The following ANKRD13C variants were observed in gnomAD, a reference collection of about 807,000 sequenced individuals.
The protein encoded by ANKRD13C is ankyrin repeat domain 13C.
Under a neutral mutation model 65.5 loss-of-function variants are expected in ANKRD13C, and 16 were observed. The observed-to-expected ratio is 0.24, with a 90% CI of 0.17 to 0.37. The LOEUF is 0.37. Among genes scored for constraint, ANKRD13C ranks in the 10% least tolerant of loss-of-function variants. ANKRD13C has a pLI of 1.00. For missense variants in ANKRD13C, 503 were observed against 655.9 expected, an observed-to-expected ratio of 0.77 and a Z score of 2.55; for synonymous variants, 235 against 238.7, an observed-to-expected ratio of 0.98 and a Z score of 0.14.
At position 70,271,070 on chromosome 1, in the gene ANKRD13C, G is replaced by A. The variant is rs1032144975; in HGVS notation, c.1395-114C>T. The A allele has an allele frequency of 1.9e-5, 12 of 619,808 alleles. No homozygotes were observed. In the African/African-American group the frequency reaches 2.1e-4, roughly 11 times the overall value. The allele number at this position is 619,808 out of a possible 1,614,324, so 38.4% of individuals were successfully genotyped here. On this transcript the variant is annotated intron_variant, in intron 11 of 12. Transcript: ENST00000370944. ...AGTAGTATTGACTTCCAGATACTAAGGATGAGTAAATTACAGACTTTATTC... is the reference window on the plus strand; with the variant it reads ...AGTAGTATTGACTTCCAGATACTAAAGATGAGTAAATTACAGACTTTATTC...
rs1558287994 is a variant in ANKRD13C, at chr1:70,306,306, CA to C, written c.710-17del. 4 of 1,507,392 alleles carry C rather than the reference CA, an allele frequency of 2.7e-6. No homozygotes were observed. The highest frequency in any genetic ancestry group is 2.4e-5 in the East Asian group (1 of 42,274). 93.4% of individuals were successfully genotyped at this position (1,507,392 alleles called of 1,614,324 possible). ...AGTAAAGGCACTGTATTTTTAAAAA[CA>C]AAAGGTAAAAAATAACTACCTAAAT... On this transcript the variant is annotated splice_polypyrimidine_tract_variant and intron_variant, in intron 5 of 12. Coordinates refer to ENST00000370944, the MANE Select transcript of ANKRD13C (RefSeq NM_030816.5).
chr1:70,304,298 T>C (rs1170479820), intron 6 of ANKRD13C, among the ~76,000 whole-genome samples: 2 of 152,216 alleles, frequency 1.3e-5, no homozygotes, highest in African/African-American at 2.4e-5. Flanking sequence ...AGTTATTATA[T>C]AATATGTACT....
intron 1 of ANKRD13C, among the ~76,000 whole-genome samples, chr1:70,340,783 A>G (rs919138409): frequency 6.6e-6 from 1 of 152,302 alleles, no homozygotes; most frequent in East Asian, 1.9e-4. Flanking sequence ...TCATTGTGAG[A>G]CATGCACCTT....
At chr1:70,328,755 G>A (rs1444901100) in intron 2 of ANKRD13C, among the ~76,000 whole-genome samples, 1 of 152,156 alleles carries the variant, frequency 6.6e-6, no homozygotes, top group Non-Finnish European at 1.5e-5. Context: ...TAAGCATAGA[G>A]AAATGTATGT....
At chr1:70,270,455 A>G (rs535302977) in intron 12 of ANKRD13C, among the ~76,000 whole-genome samples, 5 of 152,248 alleles carry the variant, frequency 3.3e-5, no homozygotes, top group South Asian at 4.2e-4. Flanking sequence ...GCAGCCCCCA[A>G]CCTTTTTGGC....
intron 9 of ANKRD13C, among the ~76,000 whole-genome samples, chr1:70,289,805 A>G (rs1397176422): frequency 6.6e-6 from 1 of 152,096 alleles, no homozygotes; most frequent in Non-Finnish European, 1.5e-5. Context: ...AAAAAGTAGC[A>G]TTAACCACCA....
At chr1:70,317,339 T>C (rs1222655291) in intron 3 of ANKRD13C, among the ~76,000 whole-genome samples, 1 of 152,168 alleles carries the variant, frequency 6.6e-6, no homozygotes, top group Non-Finnish European at 1.5e-5. Context: ...TACATTTCTG[T>C]GCCCAATTGT....
intron 3 of ANKRD13C, among the ~76,000 whole-genome samples, chr1:70,320,365 G>A (rs1327727459): frequency 1.3e-5 from 2 of 150,708 alleles, no homozygotes; most frequent in African/African-American, 4.9e-5. Flanking sequence ...GTCTCACTTT[G>A]TCCCAGGCTC....
At chr1:70,323,982 T>C (rs1476744542) in intron 3 of ANKRD13C, among the ~76,000 whole-genome samples, 2 of 152,142 alleles carry the variant, frequency 1.3e-5, no homozygotes, top group East Asian at 2.0e-4. Flanking sequence ...CGCCTCAGCC[T>C]CCCAAAGTGC....
intron 11 of ANKRD13C, among the ~76,000 whole-genome samples, chr1:70,274,262 TCAGGAGTTTGATGC>T (rs1481805688): frequency 6.6e-6 from 1 of 150,804 alleles, no homozygotes; most frequent in African/African-American, 2.4e-5. Flanking sequence ...TCACCTGAGG[TCAGGAGTTTGATGC>T]CAGCCTGGCC....
At chr1:70,267,101 C>A (rs1342977001) in intron 12 of ANKRD13C, among the ~76,000 whole-genome samples, 2 of 152,054 alleles carry the variant, frequency 1.3e-5, no homozygotes, top group Non-Finnish European at 2.9e-5. Flanking sequence ...TATCTTGCAA[C>A]TCTGTTACTT....
intron 2 of ANKRD13C, among the ~76,000 whole-genome samples, chr1:70,334,762 T>C (rs1681946996): frequency 6.6e-6 from 1 of 151,864 alleles, no homozygotes; most frequent in Non-Finnish European, 1.5e-5. Context: ...CCATCTCTAC[T>C]AAAAATACAA....
intron 9 of ANKRD13C, among the ~76,000 whole-genome samples, chr1:70,288,320 T>C (rs1384644906): frequency 6.6e-6 from 1 of 152,182 alleles, no homozygotes; most frequent in Non-Finnish European, 1.5e-5. Flanking sequence ...GAAAAACACT[T>C]TGGCAGTCTC....
At chr1:70,296,028 G>A (rs76489884) in intron 8 of ANKRD13C, 102 bp downstream of exon 8, 14,433 of 1,372,262 alleles carry the variant, frequency 0.011, 93 homozygotes, top group Non-Finnish European at 0.012. Flanking sequence ...AAACTACTTG[G>A]AGACAATTCT....
At chr1:70,265,858 A>T (rs983775016) in intron 12 of ANKRD13C, among the ~76,000 whole-genome samples, 1 of 147,664 alleles carries the variant, frequency 6.8e-6, no homozygotes, top group Non-Finnish European at 1.5e-5. Flanking sequence ...AAAAGAAAAG[A>T]AAAGAAAAGA....
intron 7 of ANKRD13C, 36 bp from the exon 8 acceptor site, chr1:70,296,297 G>A: frequency 6.3e-7 from 1 of 1,587,566 alleles, no homozygotes; most frequent in Non-Finnish European, 8.5e-7. Flanking sequence ...TAAAAATCTA[G>A]GTTTTTCAAA....
At chr1:70,351,922 A>G (rs1682757895) in intron 1 of ANKRD13C, among the ~76,000 whole-genome samples, 1 of 152,208 alleles carries the variant, frequency 6.6e-6, no homozygotes. Context: ...GGAGATGAGC[A>G]TGTACACATT....
At chr1:70,352,167 G>A (rs1326687811) in intron 1 of ANKRD13C, among the ~76,000 whole-genome samples, 2 of 151,526 alleles carry the variant, frequency 1.3e-5, no homozygotes, top group Admixed American at 6.6e-5. Flanking sequence ...GTGAAACCCC[G>A]TCTCTACTAA....
intron 1 of ANKRD13C, among the ~76,000 whole-genome samples, chr1:70,343,642 T>C (rs1021634656): frequency 1.4e-4 from 21 of 152,140 alleles, no homozygotes; most frequent in Admixed American, 6.6e-4. Flanking sequence ...CTCTACCTCC[T>C]GTGCCTCAGC....
Sources: allele counts gnomAD v4.1 joint callset (sites outside exome capture counted in the v4.1 genomes callset), GRCh38; gene constraint gnomAD v4.1.1; transcripts MANE v1.5; gene names NCBI Gene and HGNC (gene_info 2026-07-23, HGNC 2026-07-21).